The following AFAP1L2 variants were observed in gnomAD, a reference collection of about 807,000 sequenced individuals.
The protein encoded by AFAP1L2 is actin filament-associated protein 1-like 2.
In AFAP1L2, 46 loss-of-function variants were observed where a neutral mutation model predicts 99.3. The ratio of observed to expected loss-of-function variants is 0.46; its 90% confidence interval spans 0.37 to 0.59. The LOEUF (loss-of-function observed/expected upper bound fraction) is 0.59. Among genes scored for constraint, AFAP1L2 ranks in the 20% least tolerant of loss-of-function variants. The pLI, the probability that AFAP1L2 is intolerant of heterozygous loss-of-function variation, is 0.00. For missense variants in AFAP1L2, 959 were observed against 1,034.9 expected (o/e 0.93, Z 1.01); for synonymous variants, 397 against 419.1 (o/e 0.95, Z 0.64).
chr10:114,300,412 G>T lies in AFAP1L2; in HGVS notation c.1788+33C>A, dbSNP rs770533030. 21 of 1,593,020 alleles carry T rather than the reference G, an allele frequency of 1.3e-5. No homozygotes were observed. In the Admixed American group the frequency reaches 3.7e-4, roughly 28 times the overall value. Reference sequence around the variant, plus strand: ...CAGCTGGCTGAAGGGGCGCAGGAAGGTGGTCTTGCTGTCCTGCAGGGGAGG... The same window carrying T: ...CAGCTGGCTGAAGGGGCGCAGGAAGTTGGTCTTGCTGTCCTGCAGGGGAGG... On this transcript the variant is annotated intron_variant, in intron 14 of 18. Coordinates refer to ENST00000304129, the MANE Select transcript of AFAP1L2 (RefSeq NM_001001936.3).
intron 4 of AFAP1L2, among the ~76,000 whole-genome samples, chr10:114,326,876 A>G (rs1564878957): frequency 6.6e-6 from 1 of 151,950 alleles, no homozygotes; most frequent in Non-Finnish European, 1.5e-5. Context: ...AATAAAATGT[A>G]AAAATAAGAA....
chr10:114,335,058 A>G (rs893367764), intron 2 of AFAP1L2, among the ~76,000 whole-genome samples: 3 of 152,254 alleles, frequency 2.0e-5, no homozygotes, highest in African/African-American at 4.8e-5. Context: ...GCTCAACAAT[A>G]GGAAAATGGT....
intron 7 of AFAP1L2, among the ~76,000 whole-genome samples, chr10:114,312,316 A>G (rs896823821): frequency 3.3e-5 from 5 of 150,344 alleles, no homozygotes; most frequent in African/African-American, 5.0e-5. Flanking sequence ...ATGAGCAAAA[A>G]TGTGTATGCA....
intron 1 of AFAP1L2, among the ~76,000 whole-genome samples, chr10:114,355,046 G>T (rs557885391): frequency 2.0e-5 from 3 of 152,278 alleles, no homozygotes; most frequent in East Asian, 3.9e-4. Context: ...CCTTTGAAAA[G>T]TCCAAGCACA....
At chr10:114,333,094 A>G (rs2047459554) in intron 3 of AFAP1L2, 127 bp downstream of exon 3, 2 of 881,664 alleles carry the variant, frequency 2.3e-6, no homozygotes, top group Admixed American at 2.4e-5. Flanking sequence ...GTGGCTTCCA[A>G]AAATAACTCC....
In AFAP1L2 at chr10:114,377,698, C is replaced by A. The variant is rs374898414; in HGVS notation, c.16+26742G>T. 1.8e-4 allele frequency among the ~76,000 whole-genome samples: 28 copies of A among 152,266 alleles called. No homozygotes were observed. In the East Asian group the frequency reaches 5.4e-3, roughly 29 times the overall value. On this transcript the variant is annotated intron_variant, in intron 1 of 18. Transcript: ENST00000304129. The surrounding 1 kb of genome is among the most constrained non-coding windows in gnomAD (Gnocchi z 4.0). ...TCATACTTCAAGATACAAAAATGAG[C>A]AAGATGCATTTCTGCCCTCAAATGC...
In AFAP1L2 at chr10:114,371,653, C is replaced by T. The variant is rs551806932; in HGVS notation, c.17-30922G>A. ...AGGGAGGGAACATTACACACTGGGGCCTGTTGTGGGGTGGGGGGCTAGGGG... is the reference window on the plus strand; with the variant it reads ...AGGGAGGGAACATTACACACTGGGGTCTGTTGTGGGGTGGGGGGCTAGGGG... On this transcript the variant is annotated intron_variant, in intron 1 of 18. Coordinates refer to ENST00000304129, the MANE Select transcript of AFAP1L2 (RefSeq NM_001001936.3). Among the ~76,000 whole-genome samples the T allele has an allele frequency of 2.6e-4, 39 of 151,918 alleles. No homozygotes were observed. The South Asian group carries it at 7.5e-3, about 29-fold the overall frequency.
intron 1 of AFAP1L2, among the ~76,000 whole-genome samples, chr10:114,370,467 C>G (rs1187515204): frequency 6.6e-6 from 1 of 152,222 alleles, no homozygotes; most frequent in African/African-American, 2.4e-5. Flanking sequence ...GCAGGCCATA[C>G]CATTCACAGT....
At chr10:114,341,336 G>A (rs992957155) in intron 1 of AFAP1L2, among the ~76,000 whole-genome samples, 4 of 152,006 alleles carry the variant, frequency 2.6e-5, no homozygotes, top group Non-Finnish European at 4.4e-5. Flanking sequence ...CACCTGGGCC[G>A]AGCACAGTGG....
intron 1 of AFAP1L2, among the ~76,000 whole-genome samples, chr10:114,345,045 C>T (rs1403203480): frequency 6.7e-6 from 1 of 148,504 alleles, no homozygotes; most frequent in East Asian, 2.0e-4. Flanking sequence ...TGCAGTGAGC[C>T]GAGATCACAC....
chr10:114,333,341 A>G, intron 2 of AFAP1L2, 46 bp from the exon 3 acceptor site: 5 of 1,505,384 alleles, frequency 3.3e-6, no homozygotes, highest in Non-Finnish European at 4.6e-6. Context: ...TCCTGAAGAG[A>G]AAGGGCCTCC....
chr10:114,310,474 C>T, intron 7 of AFAP1L2, 31 bp from the exon 8 acceptor site: 1 of 1,598,506 alleles, frequency 6.3e-7, no homozygotes, highest in Non-Finnish European at 8.5e-7. Context: ...TCAGCAGAGG[C>T]TGAGGTCCTC....
rs144200256 is a variant in AFAP1L2 at position 114,377,908 on chromosome 10, C to T, written c.16+26532G>A. ...GAGCTCAAATGTGTTTCCTACACTT[C>T]TCAGGAGTACTTCCCAAGAAACTGT... On this transcript the variant is annotated intron_variant, in intron 1 of 18. Transcript: ENST00000304129. The surrounding 1 kb of genome is among the most constrained non-coding windows in gnomAD (Gnocchi z 4.0). 5.4e-4 allele frequency among the ~76,000 whole-genome samples: 82 copies of T among 152,338 alleles called. 2 individuals carry two copies. The highest frequency in any genetic ancestry group is 1.8e-3 in the African/African-American group (75 of 41,574).
At chr10:114,309,174 C>T (rs1050908381) in intron 8 of AFAP1L2, among the ~76,000 whole-genome samples, 5 of 152,214 alleles carry the variant, frequency 3.3e-5, no homozygotes, top group Admixed American at 2.0e-4. Flanking sequence ...GCAACAGGAC[C>T]GGCCTTAGGC....
At chr10:114,369,089 T>G (rs1019965378) in intron 1 of AFAP1L2, among the ~76,000 whole-genome samples, 7 of 152,300 alleles carry the variant, frequency 4.6e-5, no homozygotes, top group East Asian at 1.9e-4. Flanking sequence ...GAGATTTTTT[T>G]GGGGCCAACT....
intron 1 of AFAP1L2, among the ~76,000 whole-genome samples, chr10:114,365,986 T>G (rs2053186012): frequency 6.6e-6 from 1 of 152,160 alleles, no homozygotes; most frequent in African/African-American, 2.4e-5. Context: ...TCCTTCTGCC[T>G]TGGCCTCCCA....
intron 1 of AFAP1L2, among the ~76,000 whole-genome samples, chr10:114,382,964 C>T (rs1451175317): frequency 6.6e-6 from 1 of 152,076 alleles, no homozygotes; most frequent in Non-Finnish European, 1.5e-5. Context: ...AAATGATAAA[C>T]ACTTCAGGTG....
chr10:114,378,180 G>A (rs1429448143), intron 1 of AFAP1L2, among the ~76,000 whole-genome samples: 1 of 152,170 alleles, frequency 6.6e-6, no homozygotes, highest in African/African-American at 2.4e-5. Flanking sequence ...CAAGACAGCG[G>A]CTTACAATTC....
rs970788058 is a variant in AFAP1L2 at position 114,377,468 on chromosome 10, C to T, written c.16+26972G>A. ...TGGTGGGGTGGTGGATGGGAGGACA[C>T]AAACGTTTGTTGACTGATTGCTGTA... On this transcript the variant is annotated intron_variant, in intron 1 of 18. Coordinates refer to ENST00000304129, the MANE Select transcript of AFAP1L2 (RefSeq NM_001001936.3). This position sits in a 1 kb window ranked among gnomAD's most constrained non-coding sequence, Gnocchi z 4.0. 6.6e-6 allele frequency among the ~76,000 whole-genome samples: 1 copy of T among 152,174 alleles called. No homozygotes were observed. Among genetic ancestry groups the T allele is most frequent in the African/African-American group, 2.4e-5 (1 of 41,424 alleles).
Sources: allele counts gnomAD v4.1 joint callset (sites outside exome capture counted in the v4.1 genomes callset), GRCh38; gene constraint gnomAD v4.1.1; non-coding constraint Gnocchi (gnomAD v3.1); transcripts MANE v1.5; gene names NCBI Gene and HGNC (gene_info 2026-07-23, HGNC 2026-07-21).